SCAPER: variants seen among roughly 807,000 people sequenced by gnomAD.
SCAPER encodes S phase cyclin A-associated protein in the endoplasmic reticulum.
In SCAPER, 98 loss-of-function variants were observed where a neutral mutation model predicts 182.2. The ratio of observed to expected loss-of-function variants is 0.54; its 90% CI spans 0.46 to 0.64. SCAPER has a LOEUF of 0.64. Among genes scored for constraint, SCAPER ranks in the 30% least tolerant of loss-of-function variants. SCAPER has a pLI of 0.00. For synonymous variants in SCAPER, 605 were observed against 564.6 expected (o/e 1.07, Z -1.01); for missense variants, 1,432 against 1,690.0 (o/e 0.85, Z 2.68).
At chr15:76,652,273 AATATATATATATATATATATAT>A (rs1172636102) in intron 21 of SCAPER, among the ~76,000 whole-genome samples, 2 of 12,870 alleles carry the variant, frequency 1.6e-4, no homozygotes, top group Non-Finnish European at 2.6e-4. Flanking sequence ...AAAAAAAAAA[AATATATATATATATATATATAT>A]ATATATATAT....
intron 24 of SCAPER, chr15:76,498,576 A>G (rs2040823748): frequency 6.6e-6 from 1 of 152,248 alleles, no homozygotes; most frequent in African/African-American, 2.4e-5. Flanking sequence ...AGTTGTAGTC[A>G]TACCCCAATG....
chr15:76,507,521 T>C (rs1454606730), intron 23 of SCAPER, among the ~76,000 whole-genome samples: 2 of 152,168 alleles, frequency 1.3e-5, no homozygotes, highest in Admixed American at 1.3e-4. Flanking sequence ...TGAGGTTTTT[T>C]TTGAAAAGGG....
chr15:76,796,170 A>G (rs1409760508), intron 7 of SCAPER, among the ~76,000 whole-genome samples: 2 of 152,250 alleles, frequency 1.3e-5, no homozygotes, highest in African/African-American at 2.4e-5. Context: ...AACCAAAAGC[A>G]TGATGCCTCA....
rs1225046464 is a variant in SCAPER at position 76,825,811 on chromosome 15, C to T, written c.393+15923G>A. 1.6e-4 allele frequency among the ~76,000 whole-genome samples: 24 copies of T among 152,166 alleles called. 1 individual carries two copies. Among genetic ancestry groups the T allele is most frequent in the Admixed American group, 1.6e-3 (24 of 15,286 alleles). ...CCAGGCTGGAGTACAGTGAGGTGACCTCGTCTCACTGCAACCTCTCCCTCC... is the reference window on the plus strand; with the variant it reads ...CCAGGCTGGAGTACAGTGAGGTGACTTCGTCTCACTGCAACCTCTCCCTCC... On this transcript the variant is annotated intron_variant, in intron 5 of 31. Coordinates refer to ENST00000563290, the MANE Select transcript of SCAPER (RefSeq NM_020843.4).
chr15:76,704,365 G>A (rs1056837139), intron 18 of SCAPER, among the ~76,000 whole-genome samples: 5 of 152,152 alleles, frequency 3.3e-5, no homozygotes, highest in Non-Finnish European at 7.4e-5. Context: ...TGTGGCCATT[G>A]CTTTTGGTGT....
chr15:76,566,407 C>G (rs920870674), intron 23 of SCAPER, among the ~76,000 whole-genome samples: 16 of 152,110 alleles, frequency 1.1e-4, no homozygotes, highest in African/African-American at 3.9e-4. Flanking sequence ...AGCTGAATCT[C>G]TATTTAAATT....
rs1340498292 is a variant in SCAPER, at chr15:76,404,694, G to A, written c.3312-15C>T. The A allele has an allele frequency of 6.2e-7, 1 of 1,605,372 alleles. No homozygotes were observed. Among genetic ancestry groups the A allele is most frequent in the Admixed American group, 1.7e-5 (1 of 59,288 alleles). ...TCACCACGTAGCTAGATATGGGGGA[G>A]AAATGCATGTTATCAATCTGAATAG... On this transcript the variant is annotated splice_polypyrimidine_tract_variant and intron_variant, in intron 26 of 31. Coordinates refer to ENST00000563290, the MANE Select transcript of SCAPER (RefSeq NM_020843.4).
rs571544904 is a variant in SCAPER at position 76,578,303 on chromosome 15, G to A, written c.2712-4019C>T. 3.9e-5 allele frequency among the ~76,000 whole-genome samples: 6 copies of A among 152,246 alleles called. 1 individual carries two copies. Among genetic ancestry groups the A allele is most frequent in the African/African-American group, 1.4e-4 (6 of 41,554 alleles). ...TGCTGCACTGAACGGAAATACATAAGCCTGGCGGGTTTTGCTACCTGCTGA... is the reference window on the plus strand; with the variant it reads ...TGCTGCACTGAACGGAAATACATAAACCTGGCGGGTTTTGCTACCTGCTGA... On this transcript the variant is annotated intron_variant, in intron 22 of 31. Transcript: ENST00000563290.
rs957493798 is a variant in SCAPER, at chr15:76,430,974, G to A, written c.3311+3104C>T. On this transcript the variant is annotated intron_variant, in intron 26 of 31. Transcript: ENST00000563290. ...GGCAGGTCTTTCCCATGCTGTTCTCGTGATAGTGAATAAGTCTCAAAAGAT... is the reference window on the plus strand; with the variant it reads ...GGCAGGTCTTTCCCATGCTGTTCTCATGATAGTGAATAAGTCTCAAAAGAT... Among the ~76,000 whole-genome samples the A allele has an allele frequency of 1.1e-4, 16 of 152,230 alleles. No individual in the cohort carries two copies. The East Asian group carries it at 1.5e-3, about 15-fold the overall frequency.
At chr15:76,688,716 AG>A (rs2058173761) in intron 20 of SCAPER, among the ~76,000 whole-genome samples, 1 of 151,684 alleles carries the variant, frequency 6.6e-6, no homozygotes, top group Non-Finnish European at 1.5e-5. Flanking sequence ...TGTTTTTGTC[AG>A]GTTTGTCTAA....
At chr15:76,440,052 T>C (rs2047454487) in intron 25 of SCAPER, among the ~76,000 whole-genome samples, 1 of 152,234 alleles carries the variant, frequency 6.6e-6, no homozygotes, top group South Asian at 2.1e-4. Flanking sequence ...CAAAAGATAT[T>C]TGACCTTTTA....
intron 26 of SCAPER, among the ~76,000 whole-genome samples, chr15:76,422,136 T>A (rs1460016712): frequency 6.6e-6 from 1 of 152,154 alleles, no homozygotes; most frequent in Non-Finnish European, 1.5e-5. Context: ...AACTTTAAAG[T>A]TTTTTCCAAT....
chr15:76,398,338 T>A (rs2044225744), intron 27 of SCAPER, among the ~76,000 whole-genome samples: 1 of 152,240 alleles, frequency 6.6e-6, no homozygotes, highest in Admixed American at 6.5e-5. Context: ...GTCCTCTTGA[T>A]CACTCTCTGT....
intron 15 of SCAPER, among the ~76,000 whole-genome samples, chr15:76,744,221 C>G (rs1235514834): frequency 6.6e-6 from 1 of 152,030 alleles, no homozygotes; most frequent in African/African-American, 2.4e-5. Flanking sequence ...TTCTTGACAT[C>G]TGCTTGACAA....
chr15:76,425,666 C>T (rs552089804), intron 26 of SCAPER, among the ~76,000 whole-genome samples: 4 of 152,312 alleles, frequency 2.6e-5, no homozygotes, highest in South Asian at 2.1e-4. Flanking sequence ...TGAGGAGCTG[C>T]GTTCCTTTGG....
At chr15:76,601,759 T>C (rs1279358633) in intron 22 of SCAPER, among the ~76,000 whole-genome samples, 1 of 121,890 alleles carries the variant, frequency 8.2e-6, no homozygotes, top group East Asian at 2.2e-4. Flanking sequence ...GGTAGTGCTG[T>C]GAAATACCTT....
intron 22 of SCAPER, among the ~76,000 whole-genome samples, chr15:76,606,320 G>T (rs1417064806): frequency 6.6e-6 from 1 of 152,204 alleles, no homozygotes; most frequent in East Asian, 1.9e-4. Context: ...TTTCCATGTA[G>T]TTGAGCGGTT....
intron 22 of SCAPER, among the ~76,000 whole-genome samples, chr15:76,599,108 A>G (rs1317017188): frequency 1.7e-5 from 2 of 121,052 alleles, no homozygotes; most frequent in African/African-American, 5.0e-5. Context: ...ATGGCAAAAT[A>G]TCTGAATAGA....
At chr15:76,433,820 A>G (rs753173692) in intron 26 of SCAPER, among the ~76,000 whole-genome samples, 3 of 152,222 alleles carry the variant, frequency 2.0e-5, no homozygotes, top group Non-Finnish European at 4.4e-5. Flanking sequence ...TTATTTTTAA[A>G]AGGTGGGGGA....
Sources: allele counts gnomAD v4.1 joint callset (sites outside exome capture counted in the v4.1 genomes callset), GRCh38; gene constraint gnomAD v4.1.1; transcripts MANE v1.5; gene names NCBI Gene and HGNC (gene_info 2026-07-23, HGNC 2026-07-21).